Variants in PCDH9 observed in about 807,000 individuals in gnomAD.
The protein encoded by PCDH9 is protocadherin-9.
PCDH9 carries 24 observed loss-of-function variants against 70.6 expected under a neutral mutation model. The ratio of observed to expected loss-of-function variants is 0.34; its 90% confidence interval spans 0.25 to 0.48. The LOEUF (loss-of-function observed/expected upper bound fraction) is 0.48. Among genes scored for constraint, PCDH9 ranks in the 20% least tolerant of loss-of-function variants. The pLI, the probability that PCDH9 is intolerant of heterozygous loss-of-function variation, is 0.99. For synonymous variants in PCDH9, 562 were observed against 558.5 expected (o/e 1.01, Z -0.09); for missense variants, 1,281 against 1,503.6 (o/e 0.85, Z 2.45).
intron 2 of PCDH9, among the ~76,000 whole-genome samples, chr13:66,974,940 T>C (rs1305697384): frequency 6.6e-6 from 1 of 152,050 alleles, no homozygotes; most frequent in Non-Finnish European, 1.5e-5. Context: ...AACCACATAG[T>C]AGTTAAATGA....
At chr13:66,931,622 T>C (rs1418445319) in intron 2 of PCDH9, among the ~76,000 whole-genome samples, 2 of 152,126 alleles carry the variant, frequency 1.3e-5, no homozygotes, top group Non-Finnish European at 2.9e-5. Flanking sequence ...ATAGAATTTC[T>C]AATGCATTGT....
At chr13:66,997,062 A>G (rs1209824025) in intron 2 of PCDH9, among the ~76,000 whole-genome samples, 1 of 152,228 alleles carries the variant, frequency 6.6e-6, no homozygotes. Context: ...AGGTAATATT[A>G]TCATATTGGA....
At chr13:66,529,344 T>G (rs1174766954) in intron 4 of PCDH9, among the ~76,000 whole-genome samples, 1 of 152,098 alleles carries the variant, frequency 6.6e-6, no homozygotes, top group Non-Finnish European at 1.5e-5. Context: ...ACACCTTCTT[T>G]ATACCAATAA....
chr13:67,036,593 G>A (rs1279006291), intron 2 of PCDH9, among the ~76,000 whole-genome samples: 1 of 152,116 alleles, frequency 6.6e-6, no homozygotes, highest in Admixed American at 6.5e-5. Context: ...CAGGTTTTTT[G>A]ACATGTTGTT....
At chr13:66,902,100 T>C (rs895775946) in intron 3 of PCDH9, among the ~76,000 whole-genome samples, 3 of 151,606 alleles carry the variant, frequency 2.0e-5, no homozygotes, top group African/African-American at 7.2e-5. Context: ...TCTTAGATAG[T>C]TGAAACATAC....
At chr13:66,674,736 T>A (rs1181908996) in intron 3 of PCDH9, among the ~76,000 whole-genome samples, 1 of 152,126 alleles carries the variant, frequency 6.6e-6, no homozygotes, top group Non-Finnish European at 1.5e-5. Context: ...TAAATGCATG[T>A]CTTTAATGTA....
intron 4 of PCDH9, among the ~76,000 whole-genome samples, chr13:66,431,524 T>C (rs1361190706): frequency 6.6e-6 from 1 of 152,054 alleles, no homozygotes. Context: ...TTATACAGCT[T>C]TGTAAGTCCA....
At position 66,344,742 on chromosome 13, in the gene PCDH9, T is replaced by A. The variant is rs188143038; in HGVS notation, c.3341-39714A>T. Among the ~76,000 whole-genome samples the A allele has an allele frequency of 2.0e-5, 3 of 152,268 alleles. No homozygotes were observed. The East Asian group carries it at 5.8e-4, about 29-fold the overall frequency. ...GATACTAAATATTCTCATTACCAAT[T>A]CTCTAAATGTTGTAGGCCTGCTGCT... On this transcript the variant is annotated intron_variant, in intron 4 of 4. Transcript: ENST00000377865.
intron 2 of PCDH9, among the ~76,000 whole-genome samples, chr13:66,932,021 T>C (rs934136525): frequency 9.9e-5 from 15 of 152,046 alleles, no homozygotes; most frequent in African/African-American, 3.6e-4. Context: ...ATGAATGAAG[T>C]ATATGGTAGA....
At chr13:66,705,965 A>T (rs1364577410) in intron 3 of PCDH9, among the ~76,000 whole-genome samples, 1 of 152,182 alleles carries the variant, frequency 6.6e-6, no homozygotes, top group Non-Finnish European at 1.5e-5. Context: ...CTCTGAAGTT[A>T]TTCATCAGCT....
chr13:66,682,362 ATC>A (rs1566502861), intron 3 of PCDH9, among the ~76,000 whole-genome samples: 6 of 35,082 alleles, frequency 1.7e-4, no homozygotes, highest in East Asian at 1.9e-3. Context: ...TTATCTATCT[ATC>A]TATCTATCTA....
intron 2 of PCDH9, among the ~76,000 whole-genome samples, chr13:67,088,209 G>A (rs1012813102): frequency 1.3e-5 from 2 of 151,606 alleles, no homozygotes; most frequent in Non-Finnish European, 2.9e-5. Context: ...GTCGTGGTGT[G>A]GTTTAATACA....
chr13:66,529,018 T>C (rs1960328480), intron 4 of PCDH9, among the ~76,000 whole-genome samples: 1 of 152,120 alleles, frequency 6.6e-6, no homozygotes, highest in African/African-American at 2.4e-5. Context: ...TGGAGATTGA[T>C]TGCTTCCACA....
intron 3 of PCDH9, among the ~76,000 whole-genome samples, chr13:66,663,794 C>G (rs747677900): frequency 4.6e-5 from 7 of 152,170 alleles, no homozygotes; most frequent in Admixed American, 1.3e-4. Flanking sequence ...GAGATGTGTA[C>G]ATGCCTTGAA....
At chr13:66,892,219 A>G (rs1217097144) in intron 3 of PCDH9, among the ~76,000 whole-genome samples, 1 of 145,208 alleles carries the variant, frequency 6.9e-6, no homozygotes, top group Non-Finnish European at 1.5e-5. Context: ...TATATATATA[A>G]TATATATATA....
At chr13:66,864,575 T>C (rs1302697811) in intron 3 of PCDH9, among the ~76,000 whole-genome samples, 1 of 152,254 alleles carries the variant, frequency 6.6e-6, no homozygotes. Context: ...ACATTTAGAA[T>C]GTTTGCTATA....
At chr13:66,641,628 G>A (rs1387423917) in intron 3 of PCDH9, among the ~76,000 whole-genome samples, 1 of 152,132 alleles carries the variant, frequency 6.6e-6, no homozygotes, top group Non-Finnish European at 1.5e-5. Context: ...GGAAGGGACT[G>A]TCTCTAGCCA....
intron 4 of PCDH9, among the ~76,000 whole-genome samples, chr13:66,417,826 A>T (rs967272472): frequency 2.0e-5 from 3 of 152,116 alleles, no homozygotes; most frequent in African/African-American, 7.2e-5. Context: ...GTCTGTTCAT[A>T]TCCTTCGCCT....
At chr13:66,459,583 C>CA (rs747288342) in intron 4 of PCDH9, among the ~76,000 whole-genome samples, 49 of 151,610 alleles carry the variant, frequency 3.2e-4, no homozygotes, top group Non-Finnish European at 5.6e-4. Flanking sequence ...ATGACAACTA[C>CA]AAAAATTTTA....
Sources: gnomAD v4.1 joint callset for allele counts (sites outside exome capture counted in the v4.1 genomes callset) on GRCh38, gnomAD v4.1.1 for gene constraint, MANE v1.5 for transcripts, NCBI Gene and HGNC (gene_info 2026-07-23, HGNC 2026-07-21) for gene names.